PHF20: variants seen among roughly 807,000 people sequenced by gnomAD.
PHF20 encodes the protein glioma-expressed antigen 2.
A neutral mutation model predicts 113.5 loss-of-function variants in PHF20; 23 were observed. The ratio of observed to expected loss-of-function variants is 0.20; its 90% CI spans 0.15 to 0.29. The LOEUF is 0.29. Among genes scored for constraint, PHF20 ranks in the 10% least tolerant of loss-of-function variants. PHF20 has a pLI of 1.00. For synonymous variants in PHF20, 434 were observed against 457.3 expected, an observed-to-expected ratio of 0.95 and a Z score of 0.65; for missense variants, 943 against 1,219.6, an observed-to-expected ratio of 0.77 and a Z score of 3.38.
At chr20:35,933,275 C>G (rs989625014) in intron 15 of PHF20, among the ~76,000 whole-genome samples, 1 of 151,790 alleles carries the variant, frequency 6.6e-6, no homozygotes, top group African/African-American at 2.4e-5. Flanking sequence ...CTCTGTCACC[C>G]AGGCTGGAGT....
chr20:35,805,198 C>T (rs528004889), intron 2 of PHF20, among the ~76,000 whole-genome samples: 7 of 151,774 alleles, frequency 4.6e-5, no homozygotes, highest in East Asian at 3.9e-4. Context: ...CCATGGCACC[C>T]GGCCTATTTT....
intron 1 of PHF20, among the ~76,000 whole-genome samples, chr20:35,800,677 T>C (rs1345457082): frequency 6.6e-6 from 1 of 151,906 alleles, no homozygotes; most frequent in Admixed American, 6.6e-5. Flanking sequence ...AGGCCTAGGC[T>C]CCAGAATTGC....
At chr20:35,881,048 C>CTATTTTT (rs2054620898) in intron 9 of PHF20, among the ~76,000 whole-genome samples, 1 of 109,756 alleles carries the variant, frequency 9.1e-6, no homozygotes, top group Non-Finnish European at 1.8e-5. Flanking sequence ...CTCTAAATAC[C>CTATTTTT]TTTTTTTTTT....
intron 2 of PHF20, among the ~76,000 whole-genome samples, chr20:35,830,001 C>T (rs1041971804): frequency 4.6e-5 from 7 of 151,970 alleles, no homozygotes; most frequent in African/African-American, 1.7e-4. Flanking sequence ...GCAACGTCTG[C>T]CTCCTGGGTT....
chr20:35,778,056 T>C (rs1291027515), intron 1 of PHF20, among the ~76,000 whole-genome samples: 1 of 152,126 alleles, frequency 6.6e-6, no homozygotes, highest in African/African-American at 2.4e-5. Flanking sequence ...TGTTTACATT[T>C]TTCTTGATAA....
chr20:35,892,549 C>T (rs1324716374), intron 9 of PHF20, among the ~76,000 whole-genome samples: 1 of 152,058 alleles, frequency 6.6e-6, no homozygotes, highest in Non-Finnish European at 1.5e-5. Context: ...TAAACATTTT[C>T]TCATCATTAA....
intron 13 of PHF20, among the ~76,000 whole-genome samples, chr20:35,926,985 G>T (rs1485009513): frequency 6.6e-6 from 1 of 152,022 alleles, no homozygotes; most frequent in Non-Finnish European, 1.5e-5. Context: ...CCCTCCTCTG[G>T]ACCCTTAGCT....
intron 10 of PHF20, 128 bp downstream of exon 10, chr20:35,899,776 A>G (rs1204721901): frequency 1.0e-5 from 10 of 966,714 alleles, no homozygotes; most frequent in African/African-American, 1.6e-5. Context: ...GACTGAACAT[A>G]TTAAGTGATC....
chr20:35,781,048 T>C (rs1332867202), intron 1 of PHF20, among the ~76,000 whole-genome samples: 1 of 151,634 alleles, frequency 6.6e-6, no homozygotes, highest in Non-Finnish European at 1.5e-5. Context: ...AGATGGAGTT[T>C]TACCATGTTG....
chr20:35,843,723 C>T lies in PHF20; in HGVS notation c.255+979C>T, dbSNP rs149805550. Among the ~76,000 whole-genome samples the T allele has an allele frequency of 8.9e-3, 1,356 of 152,024 alleles. 23 individuals are homozygous for T. The highest frequency in any genetic ancestry group is 0.031 in the African/African-American group (1,289 of 41,468). ...TCAACTTCCCAAGTAGCTGGGACCA[C>T]GGGCCCACCACACCCGGCTAATTTT... On this transcript the variant is annotated intron_variant, in intron 3 of 17. Coordinates refer to ENST00000374012, the MANE Select transcript of PHF20 (RefSeq NM_016436.5).
chr20:35,825,033 A>T (rs1161199200), intron 2 of PHF20, among the ~76,000 whole-genome samples: 2 of 152,146 alleles, frequency 1.3e-5, no homozygotes, highest in Non-Finnish European at 2.9e-5. Flanking sequence ...GTGAGTACAC[A>T]TTTGTGTGGA....
rs188827238 is a variant in PHF20 at position 35,912,602 on chromosome 20, C to T, written c.1562-647C>T. On this transcript the variant is annotated intron_variant, in intron 10 of 17. Coordinates refer to ENST00000374012, the MANE Select transcript of PHF20 (RefSeq NM_016436.5). ...ATCCCAGCACTTTGGGAAGCTGAGG[C>T]GGCTGGATCACCTGAGGTCAGGAGT... 2.4e-3 allele frequency among the ~76,000 whole-genome samples: 371 copies of T among 152,184 alleles called. 4 individuals are homozygous for T. The highest frequency in any genetic ancestry group is 4.2e-3 in the Non-Finnish European group (287 of 68,000).
intron 4 of PHF20, among the ~76,000 whole-genome samples, chr20:35,853,929 A>G (rs1237275593): frequency 1.3e-5 from 2 of 151,678 alleles, no homozygotes; most frequent in African/African-American, 2.4e-5. Flanking sequence ...TAATTTTTGT[A>G]TTTTTGTAGA....
Position 35,948,091 on chromosome 20 carries a change from C to A in PHF20, c.*464C>A. 1 of 169,060 alleles carries A rather than the reference C, an allele frequency of 5.9e-6. No individual in the cohort carries two copies. Among genetic ancestry groups the A allele is most frequent in the Admixed American group, 5.6e-5 (1 of 17,858 alleles). 10.5% of individuals were successfully genotyped at this position (169,060 alleles called of 1,614,324 possible). A position where few individuals can be genotyped will look rare whatever the true frequency, so the allele number is the denominator to read the frequency against. The stretch of plus-strand genomic sequence containing the variant: ...AGGCATCATTTTCCTTTTCTAGCTT[C>A]ATAGGAATATTGTGAGCTCACCATG... On this transcript the variant is annotated 3_prime_UTR_variant, in exon 18 of 18. Transcript: ENST00000374012.
chr20:35,828,079 A>G (rs1344750402), intron 2 of PHF20, among the ~76,000 whole-genome samples: 1 of 152,050 alleles, frequency 6.6e-6, no homozygotes, highest in Non-Finnish European at 1.5e-5. Flanking sequence ...GCTGGAGTGC[A>G]ATGGCATGAT....
At chr20:35,900,062 G>A (rs956300105) in intron 10 of PHF20, among the ~76,000 whole-genome samples, 7 of 152,122 alleles carry the variant, frequency 4.6e-5, no homozygotes. Flanking sequence ...TTCTACTGCT[G>A]GGTCCAAATG....
intron 9 of PHF20, among the ~76,000 whole-genome samples, chr20:35,873,837 C>G (rs1276627542): frequency 6.6e-6 from 1 of 152,128 alleles, no homozygotes. Context: ...TGGTATACAT[C>G]CTTAACTTCT....
intron 15 of PHF20, among the ~76,000 whole-genome samples, chr20:35,933,232 T>A (rs1046600224): frequency 2.6e-5 from 4 of 151,034 alleles, no homozygotes; most frequent in African/African-American, 9.7e-5. Flanking sequence ...ACTCAGCTCA[T>A]TCTTTTTTTT....
Position 35,863,326 on chromosome 20 carries a change from T to TTTC in PHF20, c.735_736insTCT (p.Ile245_Val246insSer). ...GTGGATAAGAAACCTGAAAATGACA[T>TTTC]TGTGAAGAGTCCACAAGAAAACTTG... On this transcript the variant is annotated inframe_insertion, in exon 6 of 18. Coordinates refer to ENST00000374012, the MANE Select transcript of PHF20 (RefSeq NM_016436.5). 1 of 1,613,646 alleles carries TTTC rather than the reference T, an allele frequency of 6.2e-7. No homozygotes were observed. The highest frequency in any genetic ancestry group is 2.2e-5 in the East Asian group (1 of 44,872).
Sources: gnomAD v4.1 joint callset for allele counts (sites outside exome capture counted in the v4.1 genomes callset) on GRCh38, gnomAD v4.1.1 for gene constraint, MANE v1.5 for transcripts, NCBI Gene and HGNC (gene_info 2026-07-23, HGNC 2026-07-21) for gene names.